CDC42BPA: variants seen among roughly 807,000 people sequenced by gnomAD.
CDC42BPA encodes serine/threonine-protein kinase MRCK alpha.
In CDC42BPA, 80 loss-of-function variants were observed where a neutral mutation model predicts 223.5. The observed-to-expected ratio is 0.36, with a 90% confidence interval of 0.30 to 0.43. The LOEUF is 0.43. Among genes scored for constraint, CDC42BPA ranks in the 20% least tolerant of loss-of-function variants. The pLI, the probability that CDC42BPA is intolerant of heterozygous loss-of-function variation, is 1.00. For synonymous variants in CDC42BPA, 694 were observed against 718.6 expected, an observed-to-expected ratio of 0.97 and a Z score of 0.55; for missense variants, 1,743 against 2,099.9, an observed-to-expected ratio of 0.83 and a Z score of 3.32.
At chr1:227,288,453 C>A (rs546455565) in intron 1 of CDC42BPA, among the ~76,000 whole-genome samples, 2 of 152,086 alleles carry the variant, frequency 1.3e-5, no homozygotes, top group Admixed American at 1.3e-4. Flanking sequence ...AAACCTAGAA[C>A]TTTGGGAGGC....
At chr1:227,109,110 G>A (rs368742668) in intron 14 of CDC42BPA, among the ~76,000 whole-genome samples, 3 of 151,862 alleles carry the variant, frequency 2.0e-5, no homozygotes, top group Middle Eastern at 3.4e-3. Flanking sequence ...ATTATGAATG[G>A]AACTTAACAG....
At chr1:226,995,658 T>G (rs10495273) in intron 35 of CDC42BPA, among the ~76,000 whole-genome samples, 58,768 of 152,118 alleles carry the variant, frequency 0.39, 11,856 homozygotes, top group Non-Finnish European at 0.46. Flanking sequence ...ACTCTCTATT[T>G]TGTTCTCAGA....
chr1:227,303,141 T>C (rs1047290066), intron 1 of CDC42BPA, among the ~76,000 whole-genome samples: 55 of 152,216 alleles, frequency 3.6e-4, no homozygotes, highest in African/African-American at 1.3e-3. Flanking sequence ...TCCATTCATA[T>C]TTAATTACGA....
intron 3 of CDC42BPA, among the ~76,000 whole-genome samples, chr1:227,204,330 A>G (rs1464698303): frequency 1.3e-5 from 2 of 152,208 alleles, no homozygotes; most frequent in African/African-American, 2.4e-5. Context: ...TTTTAAATAT[A>G]GAAATAATTT....
intron 10 of CDC42BPA, among the ~76,000 whole-genome samples, chr1:227,137,457 T>C (rs903281676): frequency 6.6e-6 from 1 of 152,064 alleles, no homozygotes; most frequent in Non-Finnish European, 1.5e-5. Context: ...TTTGAAAATA[T>C]CTTCTAAAGC....
chr1:227,285,875 G>T (rs143099852), intron 1 of CDC42BPA, among the ~76,000 whole-genome samples: 54 of 152,166 alleles, frequency 3.5e-4, no homozygotes, highest in Non-Finnish European at 7.5e-4. Context: ...TCACAATCAT[G>T]CTTTTATTAA....
intron 11 of CDC42BPA, among the ~76,000 whole-genome samples, chr1:227,124,139 T>C (rs1276094511): frequency 6.6e-6 from 1 of 152,154 alleles, no homozygotes. Flanking sequence ...ACTAGGAATA[T>C]AGTGGGAAAA....
At chr1:227,097,140 G>T (rs191903608) in intron 15 of CDC42BPA, among the ~76,000 whole-genome samples, 93 of 152,012 alleles carry the variant, frequency 6.1e-4, no homozygotes, top group African/African-American at 2.2e-3. Flanking sequence ...ATTTCTATCA[G>T]ATTACAAGCA....
Position 227,185,740 on chromosome 1 carries a change from C to T in CDC42BPA, c.599+8046G>A, listed in dbSNP as rs1427484877. On this transcript the variant is annotated intron_variant, in intron 5 of 36. Transcript: ENST00000366766. ...CTCCCTGCTCCTTAAAACTACTCCA[C>T]GTGTGTCCATGTCGTTTTTTTTCTA... Among the ~76,000 whole-genome samples, 6 of 91,732 alleles carry T rather than the reference C, an allele frequency of 6.5e-5. No homozygotes were observed. In the South Asian group the frequency reaches 2.0e-3, roughly 31 times the overall value. The allele number at this position is 91,732 out of a possible 152,430, so 60.2% of individuals were successfully genotyped here.
At chr1:227,126,517 A>T (rs942669234) in intron 11 of CDC42BPA, among the ~76,000 whole-genome samples, 13 of 91,686 alleles carry the variant, frequency 1.4e-4, no homozygotes, top group South Asian at 3.1e-4. Context: ...GGAAGGAAGG[A>T]AGGTAAGAAA....
At chr1:227,126,220 T>A (rs569864006) in intron 11 of CDC42BPA, among the ~76,000 whole-genome samples, 1 of 152,304 alleles carries the variant, frequency 6.6e-6, no homozygotes, top group South Asian at 2.1e-4. Flanking sequence ...CTGCACTCCC[T>A]GACCTCCAGG....
intron 2 of CDC42BPA, among the ~76,000 whole-genome samples, chr1:227,214,886 G>T (rs1189823168): frequency 6.6e-6 from 1 of 152,120 alleles, no homozygotes; most frequent in Non-Finnish European, 1.5e-5. Flanking sequence ...AAGGAGGAGT[G>T]TGTTCTAAAT....
At chr1:227,254,229 C>A in intron 1 of CDC42BPA, 74 bp from the exon 2 acceptor site, 2 of 721,424 alleles carry the variant, frequency 2.8e-6, no homozygotes, top group East Asian at 3.0e-5. Context: ...AATGGTGTTT[C>A]TTAGTTACAC....
At chr1:227,281,162 T>G (rs1488897318) in intron 1 of CDC42BPA, among the ~76,000 whole-genome samples, 1 of 152,208 alleles carries the variant, frequency 6.6e-6, no homozygotes, top group Non-Finnish European at 1.5e-5. Context: ...ACTGAGAAAG[T>G]TAGCCTAGCA....
At chr1:227,026,717 CA>C (rs1241962393) in intron 30 of CDC42BPA, among the ~76,000 whole-genome samples, 1 of 152,214 alleles carries the variant, frequency 6.6e-6, no homozygotes, top group Non-Finnish European at 1.5e-5. Context: ...ACAAAAAAGT[CA>C]GACATTCCAA....
Position 226,990,031 on chromosome 1 carries a change from A to G in CDC42BPA, c.*4237T>C, listed in dbSNP as rs1020026892. The stretch of plus-strand genomic sequence containing the variant: ...TGTTTGGTAGCAGAGGATCTCTTAA[A>G]AAGTTCCCTAAGACACTGAGGGCAT... On this transcript the variant is annotated 3_prime_UTR_variant, in exon 37 of 37. Transcript: ENST00000366766. The G allele has an allele frequency of 3.3e-5, 5 of 150,444 alleles. No homozygotes were observed. Among genetic ancestry groups the G allele is most frequent in the African/African-American group, 1.2e-4 (5 of 41,194 alleles). The allele number at this position is 150,444 out of a possible 1,614,324, so 9.3% of individuals were successfully genotyped here. A position where few individuals can be genotyped will look rare whatever the true frequency, so the allele number is the denominator to read the frequency against.
intron 20 of CDC42BPA, among the ~76,000 whole-genome samples, chr1:227,071,709 AT>A (rs1386504041): frequency 9.6e-4 from 17 of 17,652 alleles, no homozygotes; most frequent in South Asian, 4.1e-3. Context: ...CTGAAAGTGA[AT>A]CCCACCCCCC....
intron 12 of CDC42BPA, 128 bp from the exon 13 acceptor site, chr1:227,113,041 T>G: frequency 1.2e-6 from 1 of 826,372 alleles, no homozygotes; most frequent in Non-Finnish European, 1.9e-6. Flanking sequence ...TTAAAAGAAA[T>G]AAACTACTTC....
intron 34 of CDC42BPA, among the ~76,000 whole-genome samples, chr1:227,005,766 A>G (rs766761651): frequency 6.6e-6 from 1 of 152,248 alleles, no homozygotes; most frequent in Non-Finnish European, 1.5e-5. Flanking sequence ...ACAGGTTTAT[A>G]TACATTTACT....
Sources: gnomAD v4.1 joint callset for allele counts (sites outside exome capture counted in the v4.1 genomes callset) on GRCh38, gnomAD v4.1.1 for gene constraint, MANE v1.5 for transcripts, NCBI Gene and HGNC (gene_info 2026-07-23, HGNC 2026-07-21) for gene names.